The following UNC13C variants were observed in gnomAD, a reference collection of about 807,000 sequenced individuals.
UNC13C encodes the protein protein unc-13 homolog C.
A neutral mutation model predicts 245.4 loss-of-function variants in UNC13C; 174 were observed. That is an observed-to-expected ratio of 0.71 (90% CI 0.63 to 0.80). The LOEUF (loss-of-function observed/expected upper bound fraction) is 0.80. UNC13C is among the 30% of genes least tolerant of loss of function. The pLI is 0.00. For missense variants in UNC13C, 2,829 were observed against 2,602.9 expected (o/e 1.09, Z -1.89); for synonymous variants, 992 against 895.1 (o/e 1.11, Z -1.93).
chr15:54,117,754 A>AT (rs1462334028), intron 2 of UNC13C, among the ~76,000 whole-genome samples: 2 of 151,702 alleles, frequency 1.3e-5, no homozygotes, highest in East Asian at 3.9e-4. Flanking sequence ...TATTTTTTGC[A>AT]TTTTTTTGTA....
intron 17 of UNC13C, among the ~76,000 whole-genome samples, chr15:54,363,789 C>G (rs2039292965): frequency 6.6e-6 from 1 of 151,970 alleles, no homozygotes; most frequent in Non-Finnish European, 1.5e-5. Context: ...AAAAATATGC[C>G]CTAGCTTTTT....
chr15:53,891,394 C>T, the UNC13C span, among the ~76,000 whole-genome samples: 1 of 152,152 alleles, frequency 6.6e-6, no homozygotes, highest in East Asian at 1.9e-4. Context: ...TGTTCCCGAG[C>T]TGAGTTCAGG....
chr15:54,067,560 T>C (rs2141091200), intron 2 of UNC13C, among the ~76,000 whole-genome samples: 1 of 152,316 alleles, frequency 6.6e-6, no homozygotes, highest in Admixed American at 6.5e-5. Context: ...TAGCTGTAAA[T>C]GTTGCACTGT....
Position 54,101,360 on chromosome 15 carries a change from C to G in UNC13C, c.2984-41658C>G, listed in dbSNP as rs141838145. ...TTTATTGCCATATTGAGTTATTTTACAATAGAGATGTTTCCTTTTGTTCTC... is the reference window on the plus strand; with the variant it reads ...TTTATTGCCATATTGAGTTATTTTAGAATAGAGATGTTTCCTTTTGTTCTC... On this transcript the variant is annotated intron_variant, in intron 2 of 32. Transcript: ENST00000260323. Among the ~76,000 whole-genome samples, 866 of 152,250 alleles carry G rather than the reference C, an allele frequency of 5.7e-3. 14 individuals carry two copies. The highest frequency in any genetic ancestry group is 0.02 in the African/African-American group (836 of 41,556).
intron 30 of UNC13C, among the ~76,000 whole-genome samples, chr15:54,610,496 T>C (rs1280604676): frequency 1.3e-5 from 2 of 152,116 alleles, no homozygotes; most frequent in African/African-American, 4.8e-5. Flanking sequence ...TCTAAAAATG[T>C]TAGTCATATG....
At chr15:54,580,342 A>G (rs535978143) in intron 30 of UNC13C, among the ~76,000 whole-genome samples, 196 of 152,376 alleles carry the variant, frequency 1.3e-3, no homozygotes, top group African/African-American at 4.6e-3. Context: ...AATAAGGAAT[A>G]TAAGGTATGT....
the UNC13C span, among the ~76,000 whole-genome samples, chr15:53,927,997 A>G: frequency 6.6e-6 from 1 of 152,188 alleles, no homozygotes; most frequent in Non-Finnish European, 1.5e-5. Context: ...AACTTCAGAA[A>G]TAATAGTTTA....
intron 24 of UNC13C, among the ~76,000 whole-genome samples, chr15:54,514,618 G>A (rs1227303174): frequency 2.0e-5 from 3 of 152,224 alleles, no homozygotes; most frequent in Admixed American, 6.5e-5. Context: ...TCTGCAAAGT[G>A]CTGGCTGCTT....
intron 2 of UNC13C, among the ~76,000 whole-genome samples, chr15:54,067,632 A>G (rs1898134082): frequency 6.6e-6 from 1 of 152,236 alleles, no homozygotes; most frequent in South Asian, 2.1e-4. Flanking sequence ...ATATATATTT[A>G]TGAGTACCTA....
chr15:53,892,691 T>G, the UNC13C span, among the ~76,000 whole-genome samples: 18 of 152,196 alleles, frequency 1.2e-4, no homozygotes, highest in African/African-American at 4.3e-4. Flanking sequence ...GTATGCTTCA[T>G]GAAGTTCTCG....
At chr15:54,034,109 C>A (rs1462971380) in intron 2 of UNC13C, among the ~76,000 whole-genome samples, 1 of 152,176 alleles carries the variant, frequency 6.6e-6, no homozygotes, top group Non-Finnish European at 1.5e-5. Context: ...GAGGCTGACC[C>A]CTGTGTATTG....
intron 19 of UNC13C, among the ~76,000 whole-genome samples, chr15:54,487,632 T>C (rs1027958939): frequency 6.6e-6 from 1 of 151,848 alleles, no homozygotes; most frequent in African/African-American, 2.4e-5. Context: ...CCAGGTGTAG[T>C]GACACTCACC....
intron 23 of UNC13C, among the ~76,000 whole-genome samples, chr15:54,508,926 G>A (rs143181760): frequency 5.3e-5 from 8 of 152,224 alleles, no homozygotes; most frequent in East Asian, 3.9e-4. Context: ...TAGGCCGGGC[G>A]CGGTGGCTCA....
intron 26 of UNC13C, among the ~76,000 whole-genome samples, chr15:54,546,214 C>A (rs1355985935): frequency 6.6e-6 from 1 of 152,106 alleles, no homozygotes; most frequent in Non-Finnish European, 1.5e-5. Flanking sequence ...CAAACTAACA[C>A]AGGAACAGAA....
chr15:54,408,085 C>CA (rs2040336998), intron 18 of UNC13C, among the ~76,000 whole-genome samples: 1 of 150,878 alleles, frequency 6.6e-6, no homozygotes, highest in African/African-American at 2.4e-5. Context: ...CCTGTAGTCC[C>CA]AGCTACTCGG....
In UNC13C at chr15:54,578,037, G is replaced by A. The variant is rs560410348; in HGVS notation, c.6106+10090G>A. 3.3e-5 allele frequency among the ~76,000 whole-genome samples: 5 copies of A among 152,214 alleles called. No homozygotes were observed. In the East Asian group the frequency reaches 9.7e-4, roughly 29 times the overall value. On this transcript the variant is annotated intron_variant, in intron 30 of 32. Coordinates refer to ENST00000260323, the MANE Select transcript of UNC13C (RefSeq NM_001080534.3). ...CACAGAAATATTTCCATTATAGTCT[G>A]GGCAGGACATCAAAATCCCGAATCC...
chr15:53,839,774 T>C, the UNC13C span, among the ~76,000 whole-genome samples: 1 of 152,062 alleles, frequency 6.6e-6, no homozygotes, highest in Non-Finnish European at 1.5e-5. Context: ...GATTGATCAT[T>C]GTTGCTCTGT....
At chr15:54,176,330 A>C (rs1027778395) in intron 4 of UNC13C, among the ~76,000 whole-genome samples, 1 of 152,170 alleles carries the variant, frequency 6.6e-6, no homozygotes, top group East Asian at 1.9e-4. Flanking sequence ...CAGTGAAAGT[A>C]CTGAGATTAT....
chr15:54,273,259 T>C (rs993775498), intron 10 of UNC13C, among the ~76,000 whole-genome samples: 16 of 152,182 alleles, frequency 1.1e-4, no homozygotes, highest in African/African-American at 3.6e-4. Flanking sequence ...TTATGCTTGT[T>C]TATTCCTCTC....
Sources: gnomAD v4.1 joint callset for allele counts (sites outside exome capture counted in the v4.1 genomes callset) on GRCh38, gnomAD v4.1.1 for gene constraint, MANE v1.5 for transcripts, NCBI Gene and HGNC (gene_info 2026-07-23, HGNC 2026-07-21) for gene names.